Variants in KYNU observed in about 807,000 individuals in gnomAD.
KYNU encodes the protein L-kynurenine hydrolase.
Under a neutral mutation model 59.2 loss-of-function variants are expected in KYNU, and 54 were observed. The ratio of observed to expected loss-of-function variants is 0.91; its 90% confidence interval spans 0.73 to 1.14. KYNU has a LOEUF of 1.14. KYNU is among the 50% of genes most tolerant of loss of function. The pLI, the probability that KYNU is intolerant of heterozygous loss-of-function variation, is 0.00. For synonymous variants in KYNU, 177 were observed against 192.0 expected (o/e 0.92, Z 0.65); for missense variants, 567 against 554.4 (o/e 1.02, Z -0.23).
intron 2 of KYNU, among the ~76,000 whole-genome samples, chr2:142,916,270 T>C (rs1682665362): frequency 6.6e-6 from 1 of 152,168 alleles, no homozygotes; most frequent in South Asian, 2.1e-4. Flanking sequence ...TGAACTCTTT[T>C]AACATGCCCA....
intron 10 of KYNU, among the ~76,000 whole-genome samples, chr2:142,988,308 G>A (rs529086125): frequency 2.2e-4 from 34 of 152,006 alleles, no homozygotes; most frequent in Non-Finnish European, 4.1e-4. Context: ...TTGCCCAGTG[G>A]AGATCATTTC....
At chr2:142,970,075 G>A (rs17193961) in intron 8 of KYNU, among the ~76,000 whole-genome samples, 21 of 152,066 alleles carry the variant, frequency 1.4e-4, no homozygotes, top group African/African-American at 5.1e-4. Flanking sequence ...AATTCCAAAA[G>A]ATCTTTGGGC....
rs113184628 is a variant in KYNU, at chr2:143,032,301, AC to A, written c.956-934del. On this transcript the variant is annotated intron_variant, in intron 11 of 13. Transcript: ENST00000264170. Reference sequence around the variant, plus strand: ...TCAAAAACAAAAACAAAAAAAAAAAACAAAACAAAAAAAACTGCTGTTTTTA... The same window carrying A: ...TCAAAAACAAAAACAAAAAAAAAAAAAAAACAAAAAAAACTGCTGTTTTTA... Among the ~76,000 whole-genome samples the A allele has an allele frequency of 5.5e-3, 407 of 74,556 alleles. 3 individuals are homozygous for A. The highest frequency in any genetic ancestry group is 0.015 in the African/African-American group (388 of 26,484). 48.9% of individuals were successfully genotyped at this position (74,556 alleles called of 152,430 possible).
chr2:143,038,433 C>T (rs771225290), intron 12 of KYNU, among the ~76,000 whole-genome samples: 1 of 152,072 alleles, frequency 6.6e-6, no homozygotes, highest in Non-Finnish European at 1.5e-5. Flanking sequence ...TTCATTATGC[C>T]AAGTCTACCT....
chr2:143,004,744 A>G (rs1051895632), intron 10 of KYNU, among the ~76,000 whole-genome samples: 6 of 152,138 alleles, frequency 3.9e-5, no homozygotes, highest in African/African-American at 1.2e-4. Context: ...TCCCGAGCAT[A>G]CAATACTATC....
rs1250376437 is a variant in KYNU, at chr2:143,051,228, A to G, written c.*9056A>G. ...TCTTGAGTCCTTTTGACATGACCCT[A>G]TCTATTTTTGATAACTTCATAGCCT... On this transcript the variant is annotated 3_prime_UTR_variant, in exon 14 of 14. Transcript: ENST00000264170. 2 of 152,082 alleles carry G rather than the reference A, an allele frequency of 1.3e-5. No homozygotes were observed. Among genetic ancestry groups the G allele is most frequent in the East Asian group, 1.9e-4 (1 of 5,188 alleles). 9.4% of individuals were successfully genotyped at this position (152,082 alleles called of 1,614,324 possible).
chr2:142,942,981 A>C (rs1683650456), intron 4 of KYNU, among the ~76,000 whole-genome samples: 1 of 152,238 alleles, frequency 6.6e-6, no homozygotes, highest in Non-Finnish European at 1.5e-5. Flanking sequence ...AAGAGACATT[A>C]AAAATTGGCC....
intron 2 of KYNU, among the ~76,000 whole-genome samples, chr2:142,902,160 A>G (rs561365295): frequency 2.6e-4 from 40 of 152,284 alleles, no homozygotes; most frequent in African/African-American, 8.7e-4. Flanking sequence ...TTTACATACT[A>G]AGACTGCAAC....
chr2:142,959,570 G>A (rs1389534594), intron 7 of KYNU, among the ~76,000 whole-genome samples: 1 of 150,892 alleles, frequency 6.6e-6, no homozygotes, highest in East Asian at 1.9e-4. Flanking sequence ...TGGGCAACAA[G>A]AGTGAAGCTC....
At position 143,032,372 on chromosome 2, in the gene KYNU, G is replaced by T. The variant is rs142764674; in HGVS notation, c.956-864G>T. On this transcript the variant is annotated intron_variant, in intron 11 of 13. Coordinates refer to ENST00000264170, the MANE Select transcript of KYNU (RefSeq NM_003937.3). Reference sequence around the variant, plus strand: ...GAACTCCTTCACTATCATGAGAACGGCATGCAGGAAACTGCCCCCATGATC... The same window carrying T: ...GAACTCCTTCACTATCATGAGAACGTCATGCAGGAAACTGCCCCCATGATC... 4.1e-3 allele frequency among the ~76,000 whole-genome samples: 624 copies of T among 151,742 alleles called. 5 individuals carry two copies. Among genetic ancestry groups the T allele is most frequent in the Admixed American group, 9.8e-3 (149 of 15,232 alleles).
chr2:142,976,402 C>T (rs1372563718), intron 8 of KYNU, among the ~76,000 whole-genome samples: 1 of 152,174 alleles, frequency 6.6e-6, no homozygotes, highest in Non-Finnish European at 1.5e-5. Context: ...CATTAGCCCA[C>T]CTGAGTGGCA....
At chr2:142,976,360 C>T (rs1684881247) in intron 8 of KYNU, among the ~76,000 whole-genome samples, 1 of 152,154 alleles carries the variant, frequency 6.6e-6, no homozygotes, top group South Asian at 2.1e-4. Flanking sequence ...TCTGGAATCT[C>T]CCAAGTATAT....
chr2:142,956,060 AG>A (rs2105087065), intron 5 of KYNU, 142 bp from the exon 6 acceptor site: 1 of 543,482 alleles, frequency 1.8e-6, no homozygotes, highest in East Asian at 3.0e-5. Context: ...CTAATTGAAA[AG>A]GTAGTCCTGA....
chr2:143,030,179 A>C (rs6430001), intron 11 of KYNU, among the ~76,000 whole-genome samples: 98,055 of 152,138 alleles, frequency 0.64, 32,576 homozygotes, highest in Middle Eastern at 0.74. Flanking sequence ...ACAATAAGCC[A>C]AGTAGGACAC....
chr2:142,916,168 A>G (rs1682661933), intron 2 of KYNU, among the ~76,000 whole-genome samples: 1 of 152,180 alleles, frequency 6.6e-6, no homozygotes, highest in African/African-American at 2.4e-5. Flanking sequence ...TAGAAGCCCT[A>G]GTAAACTAGG....
At chr2:142,959,595 A>G (rs1340065592) in intron 7 of KYNU, among the ~76,000 whole-genome samples, 1 of 152,216 alleles carries the variant, frequency 6.6e-6, no homozygotes, top group Admixed American at 6.5e-5. Context: ...TCAAAAAAAA[A>G]AAAAAATTAT....
intron 12 of KYNU, among the ~76,000 whole-genome samples, chr2:143,034,015 C>T (rs894679999): frequency 3.3e-5 from 5 of 151,556 alleles, no homozygotes; most frequent in Non-Finnish European, 2.9e-5. Flanking sequence ...TAGTCTCACC[C>T]TGAAATGATA....
At chr2:143,030,510 C>T (rs901006493) in intron 11 of KYNU, among the ~76,000 whole-genome samples, 1 of 152,082 alleles carries the variant, frequency 6.6e-6, no homozygotes, top group Non-Finnish European at 1.5e-5. Context: ...AGGTCTTGTT[C>T]TGTCACCTAG....
rs576584137 is a variant in KYNU at position 142,987,401 on chromosome 2, G to C, written c.902+1380G>C. Among the ~76,000 whole-genome samples the C allele has an allele frequency of 2.6e-5, 4 of 152,042 alleles. No homozygotes were observed. In the East Asian group the frequency reaches 7.8e-4, roughly 30 times the overall value. On this transcript the variant is annotated intron_variant, in intron 10 of 13. Coordinates refer to ENST00000264170, the MANE Select transcript of KYNU (RefSeq NM_003937.3). ...AGCTTTGACCTCCTAGCACACACAG[G>C]TCTTGTACTTGAGATTTCTCTCAGC...
Sources: allele counts gnomAD v4.1 joint callset (sites outside exome capture counted in the v4.1 genomes callset), GRCh38; gene constraint gnomAD v4.1.1; transcripts MANE v1.5; gene names NCBI Gene and HGNC (gene_info 2026-07-23, HGNC 2026-07-21).